CD79A: variants seen among roughly 807,000 people sequenced by gnomAD.
CD79A encodes the protein CD79a molecule.
In CD79A, 16 loss-of-function variants were observed where a neutral mutation model predicts 27.4. That is an observed-to-expected ratio of 0.58 (90% confidence interval 0.40 to 0.89). The LOEUF is 0.89. Among genes scored for constraint, CD79A ranks in the 40% least tolerant of loss-of-function variants. CD79A has a pLI of 0.00. For synonymous variants in CD79A, 110 were observed against 132.7 expected (o/e 0.83, Z 1.18); for missense variants, 237 against 299.7 (o/e 0.79, Z 1.55).
rs1394387719 is a variant in CD79A at position 41,879,429 on chromosome 19, G to A, written c.380-106G>A. ...AGAGGGACGGACATTCTCCTCTGCA[G>A]AGTGGGGTCTCTGGGGGGTCTGGGG... is the stretch of plus-strand genomic sequence containing the variant. On this transcript the variant is annotated intron_variant, in intron 2 of 4. Coordinates refer to ENST00000221972, the MANE Select transcript of CD79A (RefSeq NM_001783.4). This position sits in a 1 kb window ranked among gnomAD's most constrained non-coding sequence, Gnocchi z 5.1. The A allele has an allele frequency of 8.3e-7, 1 of 1,210,202 alleles. No homozygotes were observed. Among genetic ancestry groups the A allele is most frequent in the Non-Finnish European group, 1.2e-6 (1 of 847,050 alleles). The allele number at this position is 1,210,202 out of a possible 1,614,324, so 75.0% of individuals were successfully genotyped here.
At chr19:41,880,802 G>C in intron 4 of CD79A, 64 bp downstream of exon 4, 1 of 1,506,094 alleles carries the variant, frequency 6.6e-7, no homozygotes, top group Admixed American at 2.0e-5. Context: ...TCCCTCTGGG[G>C]GTGGCTGGGG....
In CD79A at chr19:41,878,958, G is replaced by C; in HGVS notation, c.80-32G>C. 7.2e-7 allele frequency: 1 copy of C among 1,387,388 alleles called. No homozygotes were observed. The highest frequency in any genetic ancestry group is 1.0e-6 in the Non-Finnish European group (1 of 986,780). 85.9% of individuals were successfully genotyped at this position (1,387,388 alleles called of 1,614,324 possible). ...CTGGGGAAATGTGTCACCATCCCCA[G>C]TCCCTGACCCACCCACCCTGTCTCT... On this transcript the variant is annotated intron_variant, in intron 1 of 4. Coordinates refer to ENST00000221972, the MANE Select transcript of CD79A (RefSeq NM_001783.4). This position sits in a 1 kb window ranked among gnomAD's most constrained non-coding sequence, Gnocchi z 4.3.
In CD79A at chr19:41,878,976, C is replaced by CAG; in HGVS notation, c.80-14_80-13insAG. 1 of 1,579,554 alleles carries CAG rather than the reference C, an allele frequency of 6.3e-7. No homozygotes were observed. The highest frequency in any genetic ancestry group is 8.7e-7 in the Non-Finnish European group (1 of 1,153,356). ...ATCCCCAGTCCCTGACCCACCCACCCTGTCTCTCCACAGGCCCTGGGTGCC... is the reference window on the plus strand; with the variant it reads ...ATCCCCAGTCCCTGACCCACCCACCCAGTGTCTCTCCACAGGCCCTGGGTGCC... On this transcript the variant is annotated splice_polypyrimidine_tract_variant and intron_variant, in intron 1 of 4. Coordinates refer to ENST00000221972, the MANE Select transcript of CD79A (RefSeq NM_001783.4). The surrounding 1 kb of genome is among the most constrained non-coding windows in gnomAD (Gnocchi z 4.3).
chr19:41,880,607 A>G (rs1555844035), intron 3 of CD79A, 63 bp from the exon 4 acceptor site: 10 of 1,236,850 alleles, frequency 8.1e-6, no homozygotes, highest in Non-Finnish European at 1.0e-5. Flanking sequence ...GGCATCCAGG[A>G]GGGTCTGAAA....
chr19:41,880,123 C>T (rs567928996), intron 3 of CD79A, among the ~76,000 whole-genome samples: 39 of 152,144 alleles, frequency 2.6e-4, no homozygotes, highest in African/African-American at 9.2e-4. Flanking sequence ...CAAGAAGACG[C>T]TAGCTTGGGA....
Position 41,878,224 on chromosome 19 carries a change from C to T in CD79A, c.80-766C>T, listed in dbSNP as rs1167585246. Among the ~76,000 whole-genome samples the T allele has an allele frequency of 6.6e-6, 1 of 152,200 alleles. No homozygotes were observed. The highest frequency in any genetic ancestry group is 2.4e-5 in the African/African-American group (1 of 41,438). On this transcript the variant is annotated intron_variant, in intron 1 of 4. Transcript: ENST00000221972. The surrounding 1 kb of genome is among the most constrained non-coding windows in gnomAD (Gnocchi z 4.3). ...AGCCCAGCCCAAGGACTGAACTCAC[C>T]CCTGACCCCTAGGTTGACACATACA...
Position 41,880,759 on chromosome 19 carries a change from G to T in CD79A, c.567+21G>T, listed in dbSNP as rs781818651. On this transcript the variant is annotated intron_variant, in intron 4 of 4. Coordinates refer to ENST00000221972, the MANE Select transcript of CD79A (RefSeq NM_001783.4). ...ATGAAGTGAGTGAAGGGTGGGGATG[G>T]GGTAGGGGCAGTTGTGTTAGGGGTG... 6 of 1,540,340 alleles carry T rather than the reference G, an allele frequency of 3.9e-6. No homozygotes were observed. The African/African-American group carries it at 8.2e-5, about 21-fold the overall frequency.
At chr19:41,880,210 C>T (rs2074213099) in intron 3 of CD79A, among the ~76,000 whole-genome samples, 1 of 151,904 alleles carries the variant, frequency 6.6e-6, no homozygotes, top group Non-Finnish European at 1.5e-5. Context: ...TATCTCTACA[C>T]ACACAAAGTC....
In CD79A at chr19:41,881,041, C is replaced by A; in HGVS notation, c.*61C>A. 2 of 981,016 alleles carry A rather than the reference C, an allele frequency of 2.0e-6. No individual in the cohort carries two copies. Among genetic ancestry groups the A allele is most frequent in the South Asian group, 1.4e-5 (1 of 73,030 alleles). 60.8% of individuals were successfully genotyped at this position (981,016 alleles called of 1,614,324 possible). ...TGCACCCAGCTCCAGTGTCTCAGCTCACTTCCCTGGGACATTCTCCTTTCA... is the reference window on the plus strand; with the variant it reads ...TGCACCCAGCTCCAGTGTCTCAGCTAACTTCCCTGGGACATTCTCCTTTCA... On this transcript the variant is annotated 3_prime_UTR_variant, in exon 5 of 5. Transcript: ENST00000221972.
At position 41,880,940 on chromosome 19, in the gene CD79A, G is replaced by C; in HGVS notation, c.641G>C (p.Gly214Ala). The C allele has an allele frequency of 6.3e-7, 1 of 1,597,510 alleles. No individual in the cohort carries two copies. The highest frequency in any genetic ancestry group is 8.5e-7 in the Non-Finnish European group (1 of 1,173,134). Residue 214 changes from glycine (G) to alanine (A), a missense_variant, in exon 5 of 5, where the codon GGC becomes GCC. Transcript: ENST00000221972. Reference protein sequence around the residue: ...RGLQGTYQDVGSLNIGDVQLE... With the variant: ...RGLQGTYQDVASLNIGDVQLE... ...CTCCAGGGCACCTACCAGGATGTGG[G>C]CAGCCTCAACATAGGAGATGTCCAG...
In CD79A at chr19:41,878,932, G is replaced by A; in HGVS notation, c.80-58G>A. On this transcript the variant is annotated intron_variant, in intron 1 of 4. Transcript: ENST00000221972. This position sits in a 1 kb window ranked among gnomAD's most constrained non-coding sequence, Gnocchi z 4.3. ...GAGTGCTGGAACTGCAGGGGCCAGG[G>A]CTGGGGAAATGTGTCACCATCCCCA... is the stretch of plus-strand genomic sequence containing the variant. 2 of 1,424,356 alleles carry A rather than the reference G, an allele frequency of 1.4e-6. No homozygotes were observed. The highest frequency in any genetic ancestry group is 2.3e-5 in the East Asian group (1 of 42,866). 88.2% of individuals were successfully genotyped at this position (1,424,356 alleles called of 1,614,324 possible).
chr19:41,877,348 T>C lies in CD79A; in HGVS notation c.44T>C (p.Ile15Thr). The change falls in exon 1 of 5, where the codon ATC becomes ACC. Residue 15 changes from isoleucine (I) to threonine (T), a missense_variant. Transcript: ENST00000221972. This position sits in a 1 kb window ranked among gnomAD's most constrained non-coding sequence, Gnocchi z 4.1. ...GTCCTCCAAGCTCTGCCTGCCACCA[T>C]CTTCCTCCTCTTCCTGCTGTCTGCT... is the stretch of plus-strand genomic sequence containing the variant. ...PGVLQALPATIFLLFLLSAVY... is the reference protein window; with the variant it reads ...PGVLQALPATTFLLFLLSAVY... 6.2e-7 allele frequency: 1 copy of C among 1,614,146 alleles called. No individual in the cohort carries two copies. The highest frequency in any genetic ancestry group is 1.3e-5 in the African/African-American group (1 of 75,044).
intron 3 of CD79A, among the ~76,000 whole-genome samples, chr19:41,880,375 AAGAGAGAG>A (rs1277491929): frequency 7.0e-6 from 1 of 141,884 alleles, no homozygotes; most frequent in Non-Finnish European, 1.5e-5. Context: ...AGGGAGAAGA[AAGAGAGAG>A]AGAGAGAAAG....
In CD79A at chr19:41,879,210, T is replaced by C; in HGVS notation, c.300T>C (p.His100=). 1 of 1,613,742 alleles carries C rather than the reference T, an allele frequency of 6.2e-7. No homozygotes were observed. Among genetic ancestry groups the C allele is most frequent in the South Asian group, 1.1e-5 (1 of 91,078 alleles). Residue 100 remains histidine, a synonymous_variant, in exon 2 of 5, where the codon CAT becomes CAC. Transcript: ENST00000221972. This position sits in a 1 kb window ranked among gnomAD's most constrained non-coding sequence, Gnocchi z 5.1. ...TCATCCAGAATGTGAACAAGAGCCA[T>C]GGGGGCATATACGTGTGCCGGGTCC... ...TLIIQNVNKS[H]GGIYVCRVQE... is the part of the protein sequence containing the mutation.
In CD79A at chr19:41,877,398, G is replaced by C. The variant is rs1555843133; in HGVS notation, c.79+15G>C. The stretch of plus-strand genomic sequence containing the variant: ...TGTCTACCTGGGTATGTGGCCAAAG[G>C]GCAGGAACTGGCGGGAGGTGGGGGA... On this transcript the variant is annotated intron_variant, in intron 1 of 4. Coordinates refer to ENST00000221972, the MANE Select transcript of CD79A (RefSeq NM_001783.4). This position sits in a 1 kb window ranked among gnomAD's most constrained non-coding sequence, Gnocchi z 4.1. The C allele has an allele frequency of 3.1e-6, 5 of 1,607,986 alleles. No homozygotes were observed. In the African/African-American group the frequency reaches 6.7e-5, roughly 21 times the overall value.
rs1247065294 is a variant in CD79A at position 41,879,619 on chromosome 19, G to C, written c.464G>C (p.Cys155Ser). 1.9e-6 allele frequency: 3 copies of C among 1,611,830 alleles called. No homozygotes were observed. Among genetic ancestry groups the C allele is most frequent in the Admixed American group, 3.3e-5 (2 of 59,848 alleles). The change falls in exon 3 of 5, where the codon TGC (cysteine) becomes TCC (serine). Residue 155 changes from cysteine to serine, a missense_variant. Cys to Ser is a moderately radical substitution (Grantham distance 112). Transcript: ENST00000221972. This position sits in a 1 kb window ranked among gnomAD's most constrained non-coding sequence, Gnocchi z 5.1. ...GCCGAGGGGATCATCCTCCTGTTCT[G>C]CGCGGTGGTGCCTGGGACGCTGCTG... The part of the protein sequence containing the change: ...ITAEGIILLF[C>S]AVVPGTLLLF...
At chr19:41,880,645 G>GCGGGGGGGGCCC in intron 3 of CD79A, 25 bp from the exon 4 acceptor site, 1 of 1,134,298 alleles carries the variant, frequency 8.8e-7, no homozygotes, top group Non-Finnish European at 1.3e-6. Context: ...GCTCACTGAG[G>GCGGGGGGGGCCC]CACCCACCCC....
Position 41,879,455 on chromosome 19 carries a change from C to A in CD79A, c.380-80C>A, listed in dbSNP as rs782062703. The A allele has an allele frequency of 1.6e-6, 2 of 1,248,382 alleles. No individual in the cohort carries two copies. The highest frequency in any genetic ancestry group is 2.3e-6 in the Non-Finnish European group (2 of 878,090). The allele number at this position is 1,248,382 out of a possible 1,614,324, so 77.3% of individuals were successfully genotyped here. A position where few individuals can be genotyped will look rare whatever the true frequency, so the allele number is the denominator to read the frequency against. ...AGTGGGGTCTCTGGGGGGTCTGGGG[C>A]CTTGCAGGAGGTGGGCGGGGCCAGG... is the stretch of plus-strand genomic sequence containing the variant. On this transcript the variant is annotated intron_variant, in intron 2 of 4. Coordinates refer to ENST00000221972, the MANE Select transcript of CD79A (RefSeq NM_001783.4). The surrounding 1 kb of genome is among the most constrained non-coding windows in gnomAD (Gnocchi z 5.1).
intron 3 of CD79A, among the ~76,000 whole-genome samples, chr19:41,880,425 G>A (rs1555843952): frequency 7.9e-6 from 1 of 127,344 alleles, no homozygotes; most frequent in African/African-American, 2.7e-5. Context: ...GAGAGAGGGC[G>A]AGAGGGAGGG....
Sources: gnomAD v4.1 joint callset for allele counts (sites outside exome capture counted in the v4.1 genomes callset) on GRCh38, gnomAD v4.1.1 for gene constraint, Gnocchi (gnomAD v3.1) non-coding constraint, MANE v1.5 for transcripts, NCBI Gene and HGNC (gene_info 2026-07-23, HGNC 2026-07-21) for gene names.